The following LINC00632 variants were observed in gnomAD, a reference collection of about 807,000 sequenced individuals.
LINC00632 encodes the protein long independently transcribed non-coding RNA 632, also known as ALDOA related specific transcript.
intron 2 of LINC00632, among the ~76,000 whole-genome samples, chrX:140,726,478 C>T (rs780504291): frequency 9.0e-6 from 1 of 111,490 alleles, no homozygotes; most frequent in Non-Finnish European, 1.9e-5. Context: ...ATGCATAAAC[C>T]CACCCCAGAA....
intron 3 of LINC00632, among the ~76,000 whole-genome samples, chrX:140,738,710 A>C (rs1931181606): frequency 8.9e-6 from 1 of 112,371 alleles, no homozygotes; most frequent in Non-Finnish European, 1.9e-5. Flanking sequence ...TTTTATGTTA[A>C]TTACATGTTG....
intron 3 of LINC00632, among the ~76,000 whole-genome samples, chrX:140,767,111 T>C (rs1268040483): frequency 1.8e-5 from 2 of 111,709 alleles, no homozygotes; most frequent in South Asian, 3.8e-4. Context: ...AATCTTAACA[T>C]CATTAGTTTC....
At chrX:140,750,506 T>C (rs1305279312) in intron 3 of LINC00632, among the ~76,000 whole-genome samples, 1 of 111,359 alleles carries the variant, frequency 9.0e-6, no homozygotes. Context: ...TGTTAAAATG[T>C]AATACATTTC....
At chrX:140,783,796 A>T (rs200866908) in exon 5 of LINC00632, 1 of 1,209,068 alleles carries the variant, frequency 8.3e-7, no homozygotes, top group Non-Finnish European at 1.1e-6. Flanking sequence ...CACGTCTTCC[A>T]GAAAATCCAT....
Position 140,783,792 on chromosome X carries a change from T to G in LINC00632, n.11811T>G, listed in dbSNP as rs1031836945. ...ATATGTCTTCCTGAAGATCCACGTC[T>G]TCCAGAAAATCCATGTCTTCCAGAA... On this transcript the variant is annotated non_coding_transcript_exon_variant, in exon 5 of 5. Coordinates refer to ENST00000648200, the Ensembl canonical transcript of LINC00632. 10 of 1,209,050 alleles carry G rather than the reference T, an allele frequency of 8.3e-6. No individual in the cohort carries two copies. The highest frequency in any genetic ancestry group is 2.3e-4 in the Middle Eastern group (1 of 4,334).
chrX:140,772,166 A>G, exon 4 of LINC00632: 1 of 295,825 alleles, frequency 3.4e-6, no homozygotes, highest in Middle Eastern at 8.8e-4. Flanking sequence ...CATCATACAA[A>G]ATTTGAGTTT....
At chrX:140,789,534 C>A (rs1210390198) in exon 5 of LINC00632, among the ~76,000 whole-genome samples, 2 of 111,605 alleles carry the variant, frequency 1.8e-5, no homozygotes, top group Middle Eastern at 4.2e-3. Flanking sequence ...TGCACTTTTA[C>A]AAGGATTTTA....
In LINC00632 at chrX:140,779,799, T is replaced by C. The variant is rs752207410; in HGVS notation, n.7818T>C. Reference sequence around the variant, plus strand: ...CATCTTTGCAAACACCTAGAATTGGTTCTTGACTACTTGGCAGTGGTATGG... The same window carrying C: ...CATCTTTGCAAACACCTAGAATTGGCTCTTGACTACTTGGCAGTGGTATGG... On this transcript the variant is annotated non_coding_transcript_exon_variant, in exon 5 of 5. Transcript: ENST00000648200. Among the ~76,000 whole-genome samples, 141 of 111,965 alleles carry C rather than the reference T, an allele frequency of 1.3e-3. 1 individual carries two copies. Among genetic ancestry groups the C allele is most frequent in the Non-Finnish European group, 1.3e-3 (69 of 53,255 alleles).
intron 3 of LINC00632, among the ~76,000 whole-genome samples, chrX:140,771,626 C>G (rs1416459817): frequency 3.2e-5 from 3 of 93,399 alleles, no homozygotes; most frequent in Non-Finnish European, 6.2e-5. Flanking sequence ...CACACACACA[C>G]ACACACACAC....
At chrX:140,724,756 CACAG>C (rs1291708770) in intron 2 of LINC00632, among the ~76,000 whole-genome samples, 8 of 49,988 alleles carry the variant, frequency 1.6e-4, no homozygotes, top group African/African-American at 3.8e-4. Flanking sequence ...TACATACACA[CACAG>C]ACACATTCCA....
At chrX:140,735,583 T>G (rs992461218) in intron 3 of LINC00632, among the ~76,000 whole-genome samples, 2 of 111,567 alleles carry the variant, frequency 1.8e-5, no homozygotes, top group Non-Finnish European at 3.8e-5. Flanking sequence ...ATTTATTTAT[T>G]GAGACAGAGT....
exon 5 of LINC00632, chrX:140,783,441 C>A: frequency 1.5e-6 from 1 of 660,672 alleles, no homozygotes; most frequent in Non-Finnish European, 2.3e-6. Context: ...CCACGTCTTC[C>A]AGGAAATCCA....
chrX:140,747,529 CAAA>C (rs376796176), intron 3 of LINC00632, among the ~76,000 whole-genome samples: 16 of 63,242 alleles, frequency 2.5e-4, no homozygotes, highest in Non-Finnish European at 2.9e-4. Context: ...AAACTCCATC[CAAA>C]AAAAAAAAAA....
intron 3 of LINC00632, among the ~76,000 whole-genome samples, chrX:140,743,407 C>T (rs948702974): frequency 4.6e-5 from 5 of 109,723 alleles, no homozygotes; most frequent in South Asian, 3.9e-4. Flanking sequence ...GGATGATAGC[C>T]GCAAGCTTAT....
Position 140,727,322 on chromosome X carries a change from G to A in LINC00632, n.105-6556G>A, listed in dbSNP as rs773990874. On this transcript the variant is annotated intron_variant and non_coding_transcript_variant, in intron 2 of 4. Coordinates refer to ENST00000648200, the Ensembl canonical transcript of LINC00632. ...TATTATTTTTTTAAGATGGATTTTC[G>A]CTCTTGTTGCCCAGGCCGGAGCGCA... 6.3e-5 allele frequency among the ~76,000 whole-genome samples: 7 copies of A among 111,628 alleles called. No individual in the cohort carries two copies. In the East Asian group the frequency reaches 2.0e-3, roughly 32 times the overall value.
chrX:140,770,217 T>C (rs1027979150), intron 3 of LINC00632, among the ~76,000 whole-genome samples: 1 of 111,504 alleles, frequency 9.0e-6, no homozygotes, highest in African/African-American at 3.3e-5. Context: ...AAGGCATTCT[T>C]AATCACAGGA....
chrX:140,732,952 G>A (rs753971528), intron 2 of LINC00632, among the ~76,000 whole-genome samples: 1 of 110,767 alleles, frequency 9.0e-6, no homozygotes, highest in South Asian at 3.9e-4. Flanking sequence ...TAGTAGAGAC[G>A]GGGTTTCACC....
chrX:140,754,350 T>C (rs1218956679), intron 3 of LINC00632, among the ~76,000 whole-genome samples: 1 of 111,647 alleles, frequency 9.0e-6, no homozygotes, highest in Admixed American at 9.6e-5. Flanking sequence ...AAAGACTTTG[T>C]TATATGAATG....
chrX:140,737,389 C>A (rs1222502771), intron 3 of LINC00632, among the ~76,000 whole-genome samples: 1 of 110,991 alleles, frequency 9.0e-6, no homozygotes, highest in Non-Finnish European at 1.9e-5. Flanking sequence ...TTGTTACATG[C>A]CTAGAATTTG....
Sources: gnomAD v4.1 joint callset for allele counts (sites outside exome capture counted in the v4.1 genomes callset) on GRCh38, gnomAD v4.1.1 for gene constraint, MANE v1.5 for transcripts, NCBI Gene and HGNC (gene_info 2026-07-23, HGNC 2026-07-21) for gene names.